SWT1: variants seen among roughly 807,000 people sequenced by gnomAD.
SWT1 encodes the protein transcriptional protein SWT1.
In SWT1, 33 loss-of-function variants were observed where a neutral mutation model predicts 107.3. That is an observed-to-expected ratio of 0.31 (90% CI 0.23 to 0.41). SWT1 has a LOEUF of 0.41. SWT1 is among the 10% of genes least tolerant of loss of function. The probability of loss-of-function intolerance (pLI) is 1.00; values close to 1 mark genes in which losing one functional copy is unlikely to be tolerated. For missense variants in SWT1, 898 were observed against 1,028.9 expected, an observed-to-expected ratio of 0.87 and a Z score of 1.74; for synonymous variants, 345 against 348.3, an observed-to-expected ratio of 0.99 and a Z score of 0.11.
chr1:185,243,943 A>G (rs1661426309), intron 16 of SWT1, among the ~76,000 whole-genome samples: 1 of 152,158 alleles, frequency 6.6e-6, no homozygotes, highest in Admixed American at 6.5e-5. Context: ...ATTGATAAAA[A>G]TGTCAGCAGT....
rs145898402 is a variant in SWT1 at position 185,175,025 on chromosome 1, A to G, written c.878A>G (p.Tyr293Cys). Reference protein sequence around the residue: ...KTEHLLSDFTYKRTVHEWKRK... With the variant: ...KTEHLLSDFTCKRTVHEWKRK... ...GAACATTTACTTTCAGATTTTACATATAAGCGGACTGTTCATGAGTGGAAA... is the reference window on the plus strand; with the variant it reads ...GAACATTTACTTTCAGATTTTACATGTAAGCGGACTGTTCATGAGTGGAAA... Residue 293 changes from tyrosine (Y) to cysteine (C), a missense_variant, in exon 5 of 19, where the codon TAT (tyrosine) becomes TGT (cysteine). Tyr to Cys is a radical substitution (Grantham distance 194). Coordinates refer to ENST00000367500, the MANE Select transcript of SWT1 (RefSeq NM_017673.7). The G allele has an allele frequency of 7.1e-5, 114 of 1,613,274 alleles. No homozygotes were observed. Among genetic ancestry groups the G allele is most frequent in the Non-Finnish European group, 9.0e-5 (106 of 1,179,814 alleles).
At chr1:185,236,805 A>C (rs1162330645) in intron 16 of SWT1, among the ~76,000 whole-genome samples, 3 of 152,196 alleles carry the variant, frequency 2.0e-5, no homozygotes, top group Non-Finnish European at 1.5e-5. Flanking sequence ...AAATTTTTGC[A>C]ATCTATCCAT....
At chr1:185,246,949 T>A (rs1278445768) in intron 16 of SWT1, among the ~76,000 whole-genome samples, 3 of 152,092 alleles carry the variant, frequency 2.0e-5, no homozygotes, top group African/African-American at 4.8e-5. Flanking sequence ...TTTTTAAAGA[T>A]CTTCTAAGAT....
At chr1:185,216,220 T>C (rs1659204163) in intron 14 of SWT1, among the ~76,000 whole-genome samples, 1 of 152,142 alleles carries the variant, frequency 6.6e-6, no homozygotes, top group African/African-American at 2.4e-5. Context: ...ATCTTTTGGT[T>C]TGAGATGACC....
chr1:185,209,629 G>A (rs1373199062), intron 13 of SWT1, among the ~76,000 whole-genome samples: 1 of 152,162 alleles, frequency 6.6e-6, no homozygotes, highest in African/African-American at 2.4e-5. Flanking sequence ...TATCATTGAA[G>A]GGCATTTGGG....
intron 16 of SWT1, chr1:185,251,338 A>T (rs1424926343): frequency 6.5e-6 from 1 of 152,910 alleles, no homozygotes; most frequent in East Asian, 1.9e-4. Flanking sequence ...AGTGGTGTTT[A>T]CAACTAACTG....
intron 16 of SWT1, among the ~76,000 whole-genome samples, chr1:185,235,308 T>A (rs1053936108): frequency 6.6e-6 from 1 of 151,970 alleles, no homozygotes; most frequent in African/African-American, 2.4e-5. Context: ...AATGCGAAAA[T>A]CCTAATAAAA....
chr1:185,258,139 C>T (rs1662751688), intron 16 of SWT1: 1 of 151,864 alleles, frequency 6.6e-6, no homozygotes. Context: ...GAGGTTGTAC[C>T]TTTTATTTCT....
intron 10 of SWT1, among the ~76,000 whole-genome samples, chr1:185,196,752 G>A (rs1013284057): frequency 6.6e-6 from 1 of 152,148 alleles, no homozygotes; most frequent in South Asian, 2.1e-4. Flanking sequence ...TAGCAATTGT[G>A]AATGGGAGTT....
chr1:185,242,088 G>T (rs1661286590), intron 16 of SWT1, among the ~76,000 whole-genome samples: 1 of 152,138 alleles, frequency 6.6e-6, no homozygotes, highest in Admixed American at 6.6e-5. Flanking sequence ...TCTAATGGAA[G>T]AGTTAGACTC....
At chr1:185,189,341 C>T (rs1558025685) in intron 9 of SWT1, among the ~76,000 whole-genome samples, 1 of 152,068 alleles carries the variant, frequency 6.6e-6, no homozygotes, top group East Asian at 1.9e-4. Flanking sequence ...TAGAGAATGC[C>T]AGAGGGTACC....
chr1:185,216,501 T>G (rs1377511744), intron 14 of SWT1, among the ~76,000 whole-genome samples: 1 of 152,172 alleles, frequency 6.6e-6, no homozygotes, highest in African/African-American at 2.4e-5. Flanking sequence ...AAATTTAGGA[T>G]TCATTGAAAT....
At chr1:185,264,317 C>T (rs1251880515) in intron 16 of SWT1, 1 of 982,698 alleles carries the variant, frequency 1.0e-6, no homozygotes. Flanking sequence ...AATATCAGGA[C>T]TAAGGAGAGA....
intron 4 of SWT1, chr1:185,171,357 G>T: frequency 4.6e-6 from 1 of 216,982 alleles, no homozygotes. Context: ...TCCTCCTCTT[G>T]TTTGTTCTGG....
At chr1:185,268,555 G>A (rs193072233) in intron 16 of SWT1, among the ~76,000 whole-genome samples, 48 of 152,268 alleles carry the variant, frequency 3.2e-4, no homozygotes, top group African/African-American at 1.1e-3. Context: ...GTCTCAAATA[G>A]TTGTTGAATG....
chr1:185,170,069 C>T (rs956926827), intron 4 of SWT1, among the ~76,000 whole-genome samples: 2 of 152,166 alleles, frequency 1.3e-5, no homozygotes, highest in African/African-American at 4.8e-5. Flanking sequence ...TCAGCATGTT[C>T]AACTCAATCC....
intron 10 of SWT1, among the ~76,000 whole-genome samples, chr1:185,195,962 A>C (rs1004701321): frequency 2.0e-5 from 3 of 152,152 alleles, no homozygotes; most frequent in African/African-American, 4.8e-5. Context: ...CCCTGATGAT[A>C]GTTTCTTTTG....
intron 13 of SWT1, among the ~76,000 whole-genome samples, chr1:185,209,022 C>T (rs1658556331): frequency 6.6e-6 from 1 of 151,894 alleles, no homozygotes; most frequent in Non-Finnish European, 1.5e-5. Flanking sequence ...CTGCTGTGGT[C>T]CTAAAGAATG....
At chr1:185,187,452 A>AT (rs904658477) in intron 9 of SWT1, among the ~76,000 whole-genome samples, 10 of 152,070 alleles carry the variant, frequency 6.6e-5, no homozygotes, top group African/African-American at 2.2e-4. Context: ...GTATTTTTAT[A>AT]TTTTTCATTG....
Sources: gnomAD v4.1 joint callset for allele counts (sites outside exome capture counted in the v4.1 genomes callset) on GRCh38, gnomAD v4.1.1 for gene constraint, MANE v1.5 for transcripts, NCBI Gene and HGNC (gene_info 2026-07-23, HGNC 2026-07-21) for gene names.